The following MKLN1 variants were observed in gnomAD, a reference collection of about 807,000 sequenced individuals.
MKLN1 encodes muskelin 1.
A neutral mutation model predicts 99.0 loss-of-function variants in MKLN1; 18 were observed. That is an observed-to-expected ratio of 0.18 (90% CI 0.13 to 0.27). The LOEUF (loss-of-function observed/expected upper bound fraction) is 0.27, where lower values mean the gene tolerates loss of function less well. MKLN1 is among the 10% of genes least tolerant of loss of function. The pLI, the probability that MKLN1 is intolerant of heterozygous loss-of-function variation, is 1.00. For missense variants in MKLN1, 621 were observed against 875.9 expected (o/e 0.71, Z 3.67); for synonymous variants, 288 against 293.2 (o/e 0.98, Z 0.18).
rs1008507392 is a variant in MKLN1 at position 131,230,026 on chromosome 7, T to C, written c.-179+27052T>C. On this transcript the variant is annotated intron_variant, in intron 3 of 7. Coordinates refer to the MKLN1 transcript ENST00000416992. ...TTCAGGGTCTGCTGTCCTGTGATGC[T>C]ATATTAGAGTCAGGTTGGAAAGTAA... Among the ~76,000 whole-genome samples the C allele has an allele frequency of 2.0e-5, 3 of 152,224 alleles. No individual in the cohort carries two copies. The South Asian group carries it at 6.2e-4, about 32-fold the overall frequency.
intron 1 of MKLN1, among the ~76,000 whole-genome samples, chr7:131,121,511 G>A (rs1467986689): frequency 1.3e-5 from 2 of 151,660 alleles, no homozygotes; most frequent in African/African-American, 4.8e-5. Context: ...GGTGGCGGGT[G>A]CCTGCAGTCC....
At chr7:131,335,878 A>G (rs1799235582) in intron 1 of MKLN1, among the ~76,000 whole-genome samples, 2 of 151,972 alleles carry the variant, frequency 1.3e-5, no homozygotes. Flanking sequence ...TGTACCCTTG[A>G]AAAGACTATG....
In MKLN1 at chr7:131,389,739, T is replaced by A. The variant is rs113874400; in HGVS notation, c.400+767T>A. Reference sequence around the variant, plus strand: ...TCTCTACTAAAAATACAAAAAAAAATTTAGCTGGGCGTGGTGGTAGGCGCC... The same window carrying A: ...TCTCTACTAAAAATACAAAAAAAAAATTAGCTGGGCGTGGTGGTAGGCGCC... On this transcript the variant is annotated intron_variant, in intron 4 of 17. Coordinates refer to ENST00000352689, the MANE Select transcript of MKLN1 (RefSeq NM_013255.5). Among the ~76,000 whole-genome samples, 528 of 151,340 alleles carry A rather than the reference T, an allele frequency of 3.5e-3. 2 individuals are homozygous for A. The highest frequency in any genetic ancestry group is 0.012 in the African/African-American group (500 of 41,262).
At position 131,146,094 on chromosome 7, in the gene MKLN1, G is replaced by A. The variant is rs142168244; in HGVS notation, c.-297+3153G>A. 1.3e-4 allele frequency among the ~76,000 whole-genome samples: 20 copies of A among 152,354 alleles called. No homozygotes were observed. The East Asian group carries it at 3.5e-3, about 26-fold the overall frequency. ...AGAAAGTGAGGCTTAGAGGGATTAA[G>A]CAATTTGCCCAAGGTCTTACACCTT... On this transcript the variant is annotated intron_variant, in intron 2 of 7. Transcript: ENST00000416992.
intron 12 of MKLN1, among the ~76,000 whole-genome samples, chr7:131,462,088 A>C (rs2116604671): frequency 6.6e-6 from 1 of 152,264 alleles, no homozygotes; most frequent in East Asian, 1.9e-4. Flanking sequence ...GCTGAAGTAC[A>C]ATGGCATGAT....
intron 3 of MKLN1, among the ~76,000 whole-genome samples, chr7:131,319,878 G>T (rs570581368): frequency 6.6e-6 from 1 of 152,134 alleles, no homozygotes; most frequent in African/African-American, 2.4e-5. Context: ...TTCAAGGGAC[G>T]TGAAGGATCT....
rs199601013 is a variant in MKLN1, at chr7:131,461,121, C to CT, written c.1526-2093dup. On this transcript the variant is annotated intron_variant, in intron 12 of 17. Coordinates refer to ENST00000352689, the MANE Select transcript of MKLN1 (RefSeq NM_013255.5). ...TAACCTACGCACATTCCCTCCTATA[C>CT]TTTAAGTCATTTCTAGGTTACTTAT... is the stretch of plus-strand genomic sequence containing the variant. 6.7e-3 allele frequency among the ~76,000 whole-genome samples: 1,016 copies of CT among 152,214 alleles called. 8 individuals carry two copies. Among genetic ancestry groups the CT allele is most frequent in the African/African-American group, 0.024 (983 of 41,520 alleles).
At chr7:131,110,654 G>T (rs1795180114) in intron 1 of MKLN1, among the ~76,000 whole-genome samples, 1 of 152,138 alleles carries the variant, frequency 6.6e-6, no homozygotes, top group Non-Finnish European at 1.5e-5. Flanking sequence ...CTTGGCCAGT[G>T]GCCTTGGACA....
intron 1 of MKLN1, among the ~76,000 whole-genome samples, chr7:131,337,817 G>A (rs1432837466): frequency 1.3e-5 from 2 of 151,354 alleles, no homozygotes; most frequent in African/African-American, 4.8e-5. Flanking sequence ...TAACATAATA[G>A]TAATAATTAT....
At chr7:131,308,643 T>C (rs7810003) in intron 3 of MKLN1, among the ~76,000 whole-genome samples, 40,145 of 151,244 alleles carry the variant, frequency 0.27, 5,427 homozygotes, top group South Asian at 0.33. Context: ...TGTAGTGCAA[T>C]GGCATGATCT....
At position 131,496,421 on chromosome 7, in the gene MKLN1, A is replaced by G. The variant is rs141227529; in HGVS notation, c.*8693A>G. On this transcript the variant is annotated 3_prime_UTR_variant, in exon 18 of 18. Coordinates refer to ENST00000352689, the MANE Select transcript of MKLN1 (RefSeq NM_013255.5). ...TGATCTCTGGCTTATCTTTTATCCAATCTGTATGGACTTTTTAGGATTTTT... is the reference window on the plus strand; with the variant it reads ...TGATCTCTGGCTTATCTTTTATCCAGTCTGTATGGACTTTTTAGGATTTTT... 300 of 151,898 alleles carry G rather than the reference A, an allele frequency of 2.0e-3. 3 individuals are homozygous for G. Among genetic ancestry groups the G allele is most frequent in the African/African-American group, 6.9e-3 (287 of 41,350 alleles). 9.4% of individuals were successfully genotyped at this position (151,898 alleles called of 1,614,324 possible).
At chr7:131,423,014 A>C (rs938486743) in intron 8 of MKLN1, among the ~76,000 whole-genome samples, 27 of 152,204 alleles carry the variant, frequency 1.8e-4, no homozygotes, top group African/African-American at 6.3e-4. Context: ...AAGAACAGTG[A>C]ATAGAAAGAG....
At chr7:131,424,006 A>T (rs531364112) in intron 8 of MKLN1, among the ~76,000 whole-genome samples, 17 of 152,330 alleles carry the variant, frequency 1.1e-4, no homozygotes, top group African/African-American at 2.9e-4. Context: ...CTGGGTCATG[A>T]TACTTCAAGG....
intron 1 of MKLN1, among the ~76,000 whole-genome samples, chr7:131,346,987 C>CA (rs1437374613): frequency 1.3e-5 from 2 of 152,216 alleles, no homozygotes; most frequent in African/African-American, 4.8e-5. Context: ...TTCTCACCTT[C>CA]AGGACACATG....
intron 6 of MKLN1, among the ~76,000 whole-genome samples, chr7:131,402,885 G>T (rs2116272647): frequency 6.6e-6 from 1 of 152,242 alleles, no homozygotes; most frequent in East Asian, 1.9e-4. Flanking sequence ...CATTTGTAGA[G>T]CACAGGCAGT....
chr7:131,464,264 C>T lies in MKLN1; in HGVS notation c.1674-30C>T, dbSNP rs368573090. 2.0e-5 allele frequency: 27 copies of T among 1,375,634 alleles called. 1 individual carries two copies. In the South Asian group the frequency reaches 3.1e-4, roughly 16 times the overall value. 85.2% of individuals were successfully genotyped at this position (1,375,634 alleles called of 1,614,324 possible). A position where few individuals can be genotyped will look rare whatever the true frequency, so the allele number is the denominator to read the frequency against. On this transcript the variant is annotated intron_variant, in intron 13 of 17. Coordinates refer to ENST00000352689, the MANE Select transcript of MKLN1 (RefSeq NM_013255.5). ...TTGTATTATCTTTGCTGCTAATTCTCTAGAATGCCTTAAAAGCAATGTCTT... is the reference window on the plus strand; with the variant it reads ...TTGTATTATCTTTGCTGCTAATTCTTTAGAATGCCTTAAAAGCAATGTCTT...
chr7:131,270,496 T>G (rs1287322607), intron 3 of MKLN1, among the ~76,000 whole-genome samples: 1 of 152,304 alleles, frequency 6.6e-6, no homozygotes, highest in South Asian at 2.1e-4. Context: ...ACTGGGATTA[T>G]AGGCCTGAGC....
At chr7:131,188,217 C>G (rs1277452405) in intron 2 of MKLN1, among the ~76,000 whole-genome samples, 1 of 152,148 alleles carries the variant, frequency 6.6e-6, no homozygotes, top group East Asian at 1.9e-4. Flanking sequence ...GAATTTGGCT[C>G]TGAGCTTCCT....
chr7:131,462,526 T>C (rs1796545904), intron 12 of MKLN1, among the ~76,000 whole-genome samples: 1 of 152,202 alleles, frequency 6.6e-6, no homozygotes, highest in South Asian at 2.1e-4. Context: ...GCATTATCCT[T>C]TCCTTCCTTA....
Sources: allele counts gnomAD v4.1 joint callset (sites outside exome capture counted in the v4.1 genomes callset), GRCh38; gene constraint gnomAD v4.1.1; transcripts MANE v1.5; gene names NCBI Gene and HGNC (gene_info 2026-07-23, HGNC 2026-07-21).